The following CCDC63 variants were observed in gnomAD, a reference collection of about 807,000 sequenced individuals.
The protein encoded by CCDC63 is coiled-coil domain-containing protein 63.
CCDC63 carries 54 observed loss-of-function variants against 63.6 expected under a neutral mutation model. The observed-to-expected ratio is 0.85, with a 90% CI of 0.68 to 1.07. CCDC63 has a LOEUF of 1.07. Among genes scored for constraint, CCDC63 ranks in the 50% least tolerant of loss-of-function variants. The pLI is 0.00. For missense variants in CCDC63, 637 were observed against 689.6 expected, an observed-to-expected ratio of 0.92 and a Z score of 0.86; for synonymous variants, 253 against 266.1, an observed-to-expected ratio of 0.95 and a Z score of 0.48.
intron 8 of CCDC63, among the ~76,000 whole-genome samples, chr12:110,892,400 A>C (rs1459205241): frequency 2.6e-5 from 4 of 151,338 alleles, no homozygotes; most frequent in Non-Finnish European, 5.9e-5. Context: ...ACATAGTGAG[A>C]CCCCCCATCT....
At chr12:110,848,507 G>A (rs1593628970) in intron 1 of CCDC63, among the ~76,000 whole-genome samples, 1 of 152,282 alleles carries the variant, frequency 6.6e-6, no homozygotes, top group Non-Finnish European at 1.5e-5. Flanking sequence ...GAGTGACTAT[G>A]TATGCGCATA....
At chr12:110,899,693 T>C (rs928367874) in intron 10 of CCDC63, among the ~76,000 whole-genome samples, 17 of 150,084 alleles carry the variant, frequency 1.1e-4, no homozygotes, top group Non-Finnish European at 2.2e-4. Context: ...ATGCCTTCTT[T>C]TTTTTTTTTT....
chr12:110,865,829 G>A (rs937567938), intron 4 of CCDC63, among the ~76,000 whole-genome samples: 1 of 152,204 alleles, frequency 6.6e-6, no homozygotes, highest in African/African-American at 2.4e-5. Context: ...CTCTTCAAAC[G>A]TATTGCATCT....
At chr12:110,859,282 A>C (rs1657485922) in intron 4 of CCDC63, among the ~76,000 whole-genome samples, 2 of 152,102 alleles carry the variant, frequency 1.3e-5, no homozygotes, top group Non-Finnish European at 2.9e-5. Flanking sequence ...TGGCCATTGA[A>C]TATTCCAGTC....
intron 3 of CCDC63, among the ~76,000 whole-genome samples, chr12:110,855,576 A>C (rs982307566): frequency 6.6e-6 from 1 of 152,068 alleles, no homozygotes; most frequent in South Asian, 2.1e-4. Flanking sequence ...TTAGGTTCTT[A>C]TTATTTTATT....
intron 11 of CCDC63, among the ~76,000 whole-genome samples, chr12:110,905,838 ATG>A (rs1416170496): frequency 8.4e-6 from 1 of 119,042 alleles, no homozygotes; most frequent in Admixed American, 1.2e-4. Flanking sequence ...ACACACGTGT[ATG>A]TATATATATG....
chr12:110,851,538 A>G (rs1251580694), intron 1 of CCDC63, among the ~76,000 whole-genome samples: 3 of 152,100 alleles, frequency 2.0e-5, no homozygotes, highest in African/African-American at 7.2e-5. Context: ...ATGCAGATTG[A>G]CTGGGATCTG....
chr12:110,856,288 G>T (rs1566115942), intron 3 of CCDC63, among the ~76,000 whole-genome samples: 2 of 152,026 alleles, frequency 1.3e-5, no homozygotes, highest in East Asian at 3.9e-4. Context: ...GTTTCGACAT[G>T]TTGGCCAGGC....
rs201426044 is a variant in CCDC63, at chr12:110,866,324, T to A, written c.370-7518T>A. ...TTAAGCCACTCTTTTTTTTTTTTTT[T>A]AATTTATTTTTTTATTGATAATTCT... On this transcript the variant is annotated intron_variant, in intron 4 of 11. Transcript: ENST00000308208. 2.6e-3 allele frequency among the ~76,000 whole-genome samples: 378 copies of A among 146,426 alleles called. 2 individuals are homozygous for A. Among genetic ancestry groups the A allele is most frequent in the Non-Finnish European group, 3.7e-3 (249 of 66,720 alleles).
intron 11 of CCDC63, among the ~76,000 whole-genome samples, chr12:110,906,677 C>T (rs572424034): frequency 6.6e-6 from 1 of 152,182 alleles, no homozygotes; most frequent in East Asian, 1.9e-4. Flanking sequence ...CACACACGCA[C>T]ACACAGAGAT....
At chr12:110,855,825 C>A (rs531330889) in intron 3 of CCDC63, among the ~76,000 whole-genome samples, 2 of 152,178 alleles carry the variant, frequency 1.3e-5, no homozygotes, top group African/African-American at 2.4e-5. Context: ...AGGTGATCCA[C>A]CCGCCTCGGC....
At chr12:110,898,524 A>G (rs562327221) in intron 9 of CCDC63, among the ~76,000 whole-genome samples, 162 of 151,064 alleles carry the variant, frequency 1.1e-3, no homozygotes, top group African/African-American at 3.6e-3. Context: ...AGGCTGAGGC[A>G]TGAGAATTGC....
At chr12:110,872,497 C>T (rs1167093406) in intron 4 of CCDC63, among the ~76,000 whole-genome samples, 4 of 152,028 alleles carry the variant, frequency 2.6e-5, no homozygotes, top group Admixed American at 2.0e-4. Context: ...GACCAACTCT[C>T]GTAAAGTTCC....
intron 9 of CCDC63, among the ~76,000 whole-genome samples, chr12:110,897,440 C>A (rs1020334141): frequency 3.3e-5 from 5 of 151,160 alleles, no homozygotes; most frequent in Middle Eastern, 3.4e-3. Context: ...TAAAAAAAAA[C>A]CCAAAAACTT....
chr12:110,873,371 C>G (rs1429224564), intron 4 of CCDC63, among the ~76,000 whole-genome samples: 1 of 152,238 alleles, frequency 6.6e-6, no homozygotes, highest in Non-Finnish European at 1.5e-5. Context: ...TCACATGTTG[C>G]AGGGTATGTG....
chr12:110,881,303 C>T lies in CCDC63; in HGVS notation c.853+7C>T. ...CAGGCCAAAAGGGAGGAAGGTACAC[C>T]CTCCAGGAGCAAGCTTGTGCTCTCT... is the stretch of plus-strand genomic sequence containing the variant. On this transcript the variant is annotated splice_region_variant and intron_variant, in intron 7 of 11. Coordinates refer to ENST00000308208, the MANE Select transcript of CCDC63 (RefSeq NM_152591.3). 1 of 1,611,238 alleles carries T rather than the reference C, an allele frequency of 6.2e-7. No individual in the cohort carries two copies. Among genetic ancestry groups the T allele is most frequent in the Non-Finnish European group, 8.5e-7 (1 of 1,178,934 alleles).
chr12:110,896,396 C>G (rs1339288195), intron 9 of CCDC63, among the ~76,000 whole-genome samples: 1 of 152,190 alleles, frequency 6.6e-6, no homozygotes, highest in African/African-American at 2.4e-5. Flanking sequence ...GAGGAAGCCA[C>G]CTGATGTGCT....
chr12:110,899,013 G>T lies in CCDC63; in HGVS notation c.1230G>T (p.Leu410Phe), dbSNP rs778921953. ...YGEVSKTLDL[L>F]KNSVEKLFKK... ...AGGTCAGCAAGACCTTGGATCTATT[G>T]AAGAACTCAGTGGAGAAACTGTTCA... The change falls in exon 10 of 12, where the codon TTG (leucine) becomes TTT (phenylalanine). Residue 410 changes from leucine (L) to phenylalanine (F), a missense_variant. Physicochemically the swap from Leu to Phe is conservative, Grantham distance 22. Coordinates refer to ENST00000308208, the MANE Select transcript of CCDC63 (RefSeq NM_152591.3). 8 of 1,613,690 alleles carry T rather than the reference G, an allele frequency of 5.0e-6. No homozygotes were observed. The highest frequency in any genetic ancestry group is 5.9e-6 in the Non-Finnish European group (7 of 1,179,916).
At chr12:110,906,010 A>ATAAAATATATATTATATTAT (rs1566144731) in intron 11 of CCDC63, among the ~76,000 whole-genome samples, 1 of 5,992 alleles carries the variant, frequency 1.7e-4, no homozygotes, top group African/African-American at 5.0e-4. Context: ...ATATTATATA[A>ATAAAATATATATTATATTAT]TATAATATAT....
Sources: allele counts gnomAD v4.1 joint callset (sites outside exome capture counted in the v4.1 genomes callset), GRCh38; gene constraint gnomAD v4.1.1; transcripts MANE v1.5; gene names NCBI Gene and HGNC (gene_info 2026-07-23, HGNC 2026-07-21).